The following ETV6 variants were observed in gnomAD, a reference collection of about 807,000 sequenced individuals.
ETV6 encodes ETS variant transcription factor 6, also known as transcription factor ETV6.
In ETV6, 16 loss-of-function variants were observed where a neutral mutation model predicts 51.1. That is an observed-to-expected ratio of 0.31 (90% CI 0.21 to 0.48). ETV6 has a LOEUF of 0.48. Among genes scored for constraint, ETV6 ranks in the 20% least tolerant of loss-of-function variants. The pLI is 0.99. For synonymous variants in ETV6, 240 were observed against 224.1 expected (o/e 1.07, Z -0.64); for missense variants, 458 against 594.8 (o/e 0.77, Z 2.39).
Position 11,821,322 on chromosome 12 carries a change from C to T in ETV6, c.164-17818C>T, listed in dbSNP as rs564930132. Reference sequence around the variant, plus strand: ...TGGAGCTTACAGTGAGCCGAGATGGCGCCACTGCACTCCAGCCTGGGCAAC... The same window carrying T: ...TGGAGCTTACAGTGAGCCGAGATGGTGCCACTGCACTCCAGCCTGGGCAAC... On this transcript the variant is annotated intron_variant, in intron 2 of 7. Transcript: ENST00000396373. 6.6e-5 allele frequency among the ~76,000 whole-genome samples: 10 copies of T among 152,126 alleles called. No individual in the cohort carries two copies. In the East Asian group the frequency reaches 9.7e-4, roughly 15 times the overall value.
At chr12:11,812,762 G>A (rs760273529) in intron 2 of ETV6, among the ~76,000 whole-genome samples, 4 of 152,136 alleles carry the variant, frequency 2.6e-5, no homozygotes, top group Non-Finnish European at 4.4e-5. Context: ...AGGCTCCTGC[G>A]TGAAGGCCTA....
At chr12:11,866,709 C>G (rs1168416293) in intron 4 of ETV6, among the ~76,000 whole-genome samples, 1 of 152,208 alleles carries the variant, frequency 6.6e-6, no homozygotes, top group Admixed American at 6.5e-5. Flanking sequence ...AAACTCTGAA[C>G]TCTGTCTCCA....
chr12:11,718,363 C>T (rs958726037), intron 1 of ETV6, among the ~76,000 whole-genome samples: 1 of 152,026 alleles, frequency 6.6e-6, no homozygotes, highest in Non-Finnish European at 1.5e-5. Flanking sequence ...AGTTAGTGTT[C>T]GGCAGGACTG....
chr12:11,854,042 T>G (rs1401331317), intron 4 of ETV6, among the ~76,000 whole-genome samples: 3 of 152,178 alleles, frequency 2.0e-5, no homozygotes, highest in African/African-American at 7.2e-5. Flanking sequence ...AATGAAATAA[T>G]TATACAATCC....
intron 2 of ETV6, among the ~76,000 whole-genome samples, chr12:11,816,269 C>T (rs1945991729): frequency 6.6e-6 from 1 of 152,172 alleles, no homozygotes; most frequent in African/African-American, 2.4e-5. Flanking sequence ...TTGTTTGAGA[C>T]GGAGTCTCGC....
intron 1 of ETV6, among the ~76,000 whole-genome samples, chr12:11,684,135 G>A (rs550112227): frequency 6.6e-6 from 1 of 152,282 alleles, no homozygotes; most frequent in East Asian, 1.9e-4. Context: ...GAACAATGTG[G>A]TCAATTAATT....
At chr12:11,867,952 C>G (rs1946814967) in intron 4 of ETV6, among the ~76,000 whole-genome samples, 1 of 152,184 alleles carries the variant, frequency 6.6e-6, no homozygotes, top group South Asian at 2.1e-4. Context: ...GGTCCATTCC[C>G]CGACCCAGCC....
At chr12:11,868,438 CTT>C (rs71057775) in intron 4 of ETV6, among the ~76,000 whole-genome samples, 3,136 of 127,910 alleles carry the variant, frequency 0.025, 54 homozygotes, top group Non-Finnish European at 0.036. Flanking sequence ...CTTTTTTCTT[CTT>C]TTTTTTTTTT....
intron 2 of ETV6, among the ~76,000 whole-genome samples, chr12:11,836,520 T>C (rs758933983): frequency 6.6e-6 from 1 of 152,138 alleles, no homozygotes; most frequent in Non-Finnish European, 1.5e-5. Flanking sequence ...CCTGGTTGCT[T>C]CAGGGGCTGG....
At chr12:11,813,130 T>C (rs1350984262) in intron 2 of ETV6, among the ~76,000 whole-genome samples, 1 of 152,252 alleles carries the variant, frequency 6.6e-6, no homozygotes, top group Admixed American at 6.5e-5. Flanking sequence ...AAACCTGCCC[T>C]CCGGGGAGAG....
intron 1 of ETV6, among the ~76,000 whole-genome samples, chr12:11,714,102 G>A (rs1323534133): frequency 6.6e-6 from 1 of 152,166 alleles, no homozygotes; most frequent in South Asian, 2.1e-4. Context: ...CATTTTGCTT[G>A]CTGCTGTATC....
At chr12:11,674,279 C>G (rs935140541) in intron 1 of ETV6, among the ~76,000 whole-genome samples, 4 of 151,862 alleles carry the variant, frequency 2.6e-5, no homozygotes, top group Admixed American at 2.0e-4. Context: ...TTCAAATGGG[C>G]GTGTGGAGGA....
At chr12:11,767,195 C>T (rs1591659617) in intron 2 of ETV6, among the ~76,000 whole-genome samples, 1 of 152,280 alleles carries the variant, frequency 6.6e-6, no homozygotes, top group East Asian at 1.9e-4. Context: ...GCAATGTAAC[C>T]TTGAACAAGT....
chr12:11,872,785 T>A (rs966404992), intron 5 of ETV6, among the ~76,000 whole-genome samples: 3 of 152,168 alleles, frequency 2.0e-5, no homozygotes, highest in Non-Finnish European at 4.4e-5. Context: ...CATGAACCAC[T>A]GCACCCAGCC....
chr12:11,850,865 G>C (rs1465451290), intron 3 of ETV6, among the ~76,000 whole-genome samples: 5 of 152,204 alleles, frequency 3.3e-5, no homozygotes, highest in Admixed American at 2.6e-4. Flanking sequence ...TCCAGCCCTT[G>C]TTTGAGCCAC....
intron 3 of ETV6, among the ~76,000 whole-genome samples, chr12:11,849,312 A>G (rs780216062): frequency 3.3e-5 from 5 of 151,888 alleles, no homozygotes; most frequent in Admixed American, 2.0e-4. Flanking sequence ...GGATCTCACT[A>G]TATTACCCAG....
intron 4 of ETV6, among the ~76,000 whole-genome samples, chr12:11,857,390 T>A (rs553316362): frequency 4.2e-4 from 64 of 152,214 alleles, no homozygotes; most frequent in Non-Finnish European, 8.2e-4. Flanking sequence ...ACTCTCTATA[T>A]GTGAACATTT....
intron 1 of ETV6, among the ~76,000 whole-genome samples, chr12:11,661,920 C>A (rs1379409233): frequency 6.6e-6 from 1 of 152,146 alleles, no homozygotes; most frequent in African/African-American, 2.4e-5. Context: ...ACAATGGAAT[C>A]CAGGGGGAAT....
At chr12:11,741,871 T>G (rs529490688) in intron 1 of ETV6, among the ~76,000 whole-genome samples, 4 of 152,266 alleles carry the variant, frequency 2.6e-5, no homozygotes, top group Non-Finnish European at 4.4e-5. Flanking sequence ...CAACTTTAGC[T>G]CTGCATATTG....
Sources: gnomAD v4.1 joint callset for allele counts (sites outside exome capture counted in the v4.1 genomes callset) on GRCh38, gnomAD v4.1.1 for gene constraint, MANE v1.5 for transcripts, NCBI Gene and HGNC (gene_info 2026-07-23, HGNC 2026-07-21) for gene names.